MYBPC2: variants seen among roughly 807,000 people sequenced by gnomAD.
The protein encoded by MYBPC2 is myosin-binding protein C, fast-type.
MYBPC2 carries 122 observed loss-of-function variants against 137.0 expected under a neutral mutation model. The observed-to-expected ratio is 0.89, with a 90% CI of 0.77 to 1.03. MYBPC2 has a LOEUF of 1.03. Among genes scored for constraint, MYBPC2 ranks in the 50% least tolerant of loss-of-function variants. The pLI, the probability that MYBPC2 is intolerant of heterozygous loss-of-function variation, is 0.00. For missense variants in MYBPC2, 1,500 were observed against 1,534.4 expected (o/e 0.98, Z 0.37); for synonymous variants, 626 against 612.3 (o/e 1.02, Z -0.33).
intron 13 of MYBPC2, among the ~76,000 whole-genome samples, chr19:50,450,282 A>T (rs922182053): frequency 2.6e-5 from 4 of 152,006 alleles, no homozygotes; most frequent in South Asian, 2.1e-4. Flanking sequence ...TTTTTGAGAC[A>T]GGGTCTCAAC....
At chr19:50,452,377 C>A (rs1008655031) in intron 16 of MYBPC2, among the ~76,000 whole-genome samples, 4 of 152,150 alleles carry the variant, frequency 2.6e-5, no homozygotes, top group African/African-American at 9.7e-5. Flanking sequence ...ATTTAGTTAT[C>A]CATTCATCCA....
intron 12 of MYBPC2, among the ~76,000 whole-genome samples, chr19:50,446,363 A>T (rs1326311540): frequency 1.8e-4 from 27 of 151,028 alleles, no homozygotes. Flanking sequence ...ATACAAAAAA[A>T]TTAGCTGGGC....
chr19:50,456,945 G>T (rs575368718), intron 20 of MYBPC2, among the ~76,000 whole-genome samples: 1 of 152,136 alleles, frequency 6.6e-6, no homozygotes, highest in African/African-American at 2.4e-5. Flanking sequence ...CCGGCCCAGT[G>T]CCATGGCTAT....
intron 26 of MYBPC2, 129 bp from the exon 27 acceptor site, chr19:50,464,217 A>T (rs2039994368): frequency 1.3e-6 from 1 of 779,480 alleles, no homozygotes; most frequent in Non-Finnish European, 2.0e-6. Context: ...GGGAGAAGTG[A>T]CTCGTCCAAG....
At chr19:50,461,872 G>A (rs571724723) in intron 25 of MYBPC2, 28 bp from the exon 26 acceptor site, 20 of 1,587,848 alleles carry the variant, frequency 1.3e-5, no homozygotes, top group Middle Eastern at 1.7e-4. Context: ...TAGATCAGTC[G>A]CCTTACGGGT....
In MYBPC2 at chr19:50,435,907, G is replaced by T. The variant is rs1469886536; in HGVS notation, c.196+45G>T. 1 of 1,551,796 alleles carries T rather than the reference G, an allele frequency of 6.4e-7. No individual in the cohort carries two copies. The highest frequency in any genetic ancestry group is 1.2e-5 in the South Asian group (1 of 84,552). ...GGAGGGGCTGCGGCCCGGACTCCTG[G>T]GTCTGAGGGAGGAGGGGCCAGGGTC... On this transcript the variant is annotated intron_variant, in intron 3 of 27. Coordinates refer to ENST00000357701, the MANE Select transcript of MYBPC2 (RefSeq NM_004533.4). The surrounding 1 kb of genome is among the most constrained non-coding windows in gnomAD (Gnocchi z 4.8).
intron 23 of MYBPC2, 73 bp from the exon 24 acceptor site, chr19:50,459,967 G>A (rs1405418012): frequency 1.9e-6 from 3 of 1,540,214 alleles, no homozygotes; most frequent in Non-Finnish European, 2.6e-6. Flanking sequence ...GAGGGGGTGT[G>A]GAGAGGGGAG....
intron 1 of MYBPC2, among the ~76,000 whole-genome samples, chr19:50,433,552 A>G (rs1278736285): frequency 1.3e-5 from 2 of 151,822 alleles, no homozygotes; most frequent in East Asian, 1.9e-4. Flanking sequence ...CTGCGCCACC[A>G]TGCCTGGCTA....
At position 50,435,610 on chromosome 19, in the gene MYBPC2, T is replaced by G. The variant is rs1601279676; in HGVS notation, c.110-166T>G. The stretch of plus-strand genomic sequence containing the variant: ...GGCCAAGGTCACACAGCCACGAGGG[T>G]GACAGGTGGCCTTTCCCAGGTCAGG... On this transcript the variant is annotated intron_variant, in intron 2 of 27. Coordinates refer to ENST00000357701, the MANE Select transcript of MYBPC2 (RefSeq NM_004533.4). This position sits in a 1 kb window ranked among gnomAD's most constrained non-coding sequence, Gnocchi z 4.8. 6.6e-6 allele frequency among the ~76,000 whole-genome samples: 1 copy of G among 152,112 alleles called. No homozygotes were observed. Among genetic ancestry groups the G allele is most frequent in the African/African-American group, 2.4e-5 (1 of 41,424 alleles).
intron 20 of MYBPC2, among the ~76,000 whole-genome samples, chr19:50,455,992 C>A (rs1399338450): frequency 1.3e-5 from 2 of 152,262 alleles, no homozygotes; most frequent in Non-Finnish European, 2.9e-5. Flanking sequence ...TAACATCCAC[C>A]CATCCATCCA....
intron 18 of MYBPC2, 125 bp downstream of exon 18, chr19:50,454,494 C>T (rs1469978239): frequency 2.7e-5 from 21 of 791,492 alleles, no homozygotes; most frequent in Non-Finnish European, 3.2e-5. Context: ...GGCTCAATCT[C>T]GGCTCACTGC....
At position 50,465,607 on chromosome 19, in the gene MYBPC2, C is replaced by T. The variant is rs986392545; in HGVS notation, c.3416-588C>T. ...CTGTAATCCCAGCACATTGGGAGGC[C>T]AAGGCAGGCGAGTTGCTTGAGCCCA... On this transcript the variant is annotated intron_variant, in intron 27 of 27. Coordinates refer to ENST00000357701, the MANE Select transcript of MYBPC2 (RefSeq NM_004533.4). This position sits in a 1 kb window ranked among gnomAD's most constrained non-coding sequence, Gnocchi z 4.5. Among the ~76,000 whole-genome samples the T allele has an allele frequency of 2.0e-5, 3 of 152,160 alleles. No individual in the cohort carries two copies. The highest frequency in any genetic ancestry group is 4.4e-5 in the Non-Finnish European group (3 of 68,044).
chr19:50,443,729 T>A lies in MYBPC2; in HGVS notation c.1046T>A (p.Val349Asp), dbSNP rs1568660781. 1 of 1,613,910 alleles carries A rather than the reference T, an allele frequency of 6.2e-7. No individual in the cohort carries two copies. The highest frequency in any genetic ancestry group is 8.5e-7 in the Non-Finnish European group (1 of 1,179,846). Residue 349 changes from valine to aspartate, a missense_variant, in exon 11 of 28, where the codon GTC becomes GAC. By Grantham distance (152) the Val-to-Asp change is radical. Coordinates refer to ENST00000357701, the MANE Select transcript of MYBPC2 (RefSeq NM_004533.4). ...CCCACAGAACCTCCAGTCCTAATTG[T>A]CACACCTCTTGAGGACCAGCAGGTG... is the stretch of plus-strand genomic sequence containing the variant. Reference protein sequence around the residue: ...LFVKEPPVLIVTPLEDQQVFV... With the variant: ...LFVKEPPVLIDTPLEDQQVFV...
At chr19:50,450,999 G>T in intron 14 of MYBPC2, 64 bp downstream of exon 14, 1 of 1,416,270 alleles carries the variant, frequency 7.1e-7, no homozygotes, top group Non-Finnish European at 9.7e-7. Context: ...CCCAGGGCCC[G>T]GGATGTCCCT....
rs76102696 is a variant in MYBPC2, at chr19:50,461,613, A to G, written c.3003A>G (p.Glu1001=). 2,106 of 1,613,500 alleles carry G rather than the reference A, an allele frequency of 1.3e-3. 20 individuals carry two copies. In the African/African-American group the frequency reaches 0.025, roughly 19 times the overall value. The change falls in exon 25 of 28, where the codon GAA becomes GAG. Residue 1001 remains glutamate (E), a synonymous_variant. Transcript: ENST00000357701. The part of the protein sequence containing the change: ...CTVSDLIVGN[E]YYFRVYTENI... The stretch of plus-strand genomic sequence containing the variant: ...TGTCCGACCTTATCGTGGGCAATGA[A>G]TACTATTTCCGAGTTTACACCGAGA...
At chr19:50,434,398 C>T (rs1320236545) in intron 1 of MYBPC2, among the ~76,000 whole-genome samples, 1 of 152,102 alleles carries the variant, frequency 6.6e-6, no homozygotes, top group South Asian at 2.1e-4. Flanking sequence ...TCCAAGGGAC[C>T]TTCTCTGTAG....
chr19:50,455,564 C>G lies in MYBPC2; in HGVS notation c.2258C>G (p.Thr753Ser), dbSNP rs1355076472. ...LIVEDVTDTTTTLKWRPPNRI... is the reference protein window; with the variant it reads ...LIVEDVTDTTSTLKWRPPNRI... ...GTGGAGGATGTGACAGACACCACCA[C>G]CACACTCAAGTGGAGGCCTCCGAAC... Residue 753 changes from threonine to serine, a missense_variant, in exon 20 of 28, where the codon ACC becomes AGC. By Grantham distance (58) the Thr-to-Ser change is moderately conservative. Coordinates refer to ENST00000357701, the MANE Select transcript of MYBPC2 (RefSeq NM_004533.4). 8.1e-6 allele frequency: 13 copies of G among 1,614,010 alleles called. No homozygotes were observed. In the East Asian group the frequency reaches 2.7e-4, roughly 33 times the overall value.
chr19:50,451,765 G>A, intron 15 of MYBPC2, 99 bp from the exon 16 acceptor site: 4 of 1,501,214 alleles, frequency 2.7e-6, no homozygotes, highest in Non-Finnish European at 3.6e-6. Context: ...CTGTGTCTCT[G>A]TCACTGTTGG....
intron 11 of MYBPC2, 94 bp from the exon 12 acceptor site, chr19:50,445,786 G>A: frequency 7.7e-7 from 1 of 1,296,184 alleles, no homozygotes; most frequent in Non-Finnish European, 1.1e-6. Context: ...CCTGCCTTCT[G>A]ATCCCTCTGC....
Sources: allele counts gnomAD v4.1 joint callset (sites outside exome capture counted in the v4.1 genomes callset), GRCh38; gene constraint gnomAD v4.1.1; non-coding constraint Gnocchi (gnomAD v3.1); transcripts MANE v1.5; gene names NCBI Gene and HGNC (gene_info 2026-07-23, HGNC 2026-07-21).